The following COBL variants were observed in gnomAD, a reference collection of about 807,000 sequenced individuals.
The protein encoded by COBL is protein cordon-bleu.
COBL carries 51 observed loss-of-function variants against 98.8 expected under a neutral mutation model. That is an observed-to-expected ratio of 0.52 (90% CI 0.41 to 0.65). The LOEUF is 0.65. Among genes scored for constraint, COBL ranks in the 30% least tolerant of loss-of-function variants. The pLI is 0.00. For missense variants in COBL, 1,617 were observed against 1,617.5 expected (o/e 1.00, Z 0.01); for synonymous variants, 634 against 651.7 (o/e 0.97, Z 0.41).
At chr7:51,228,736 C>CA (rs767631984) in intron 1 of COBL, among the ~76,000 whole-genome samples, 47 of 152,234 alleles carry the variant, frequency 3.1e-4, no homozygotes, top group Admixed American at 2.7e-3. Context: ...TTTGAGAGCC[C>CA]AGTCCCACAG....
At chr7:51,018,891 C>CAAAAAAAAAA (rs11433270) in intron 12 of COBL, among the ~76,000 whole-genome samples, 7 of 6,798 alleles carry the variant, frequency 1.0e-3, no homozygotes, top group Non-Finnish European at 1.4e-3. Context: ...AACTCCATCT[C>CAAAAAAAAAA]AAAAAAAAAA....
chr7:51,214,826 T>C (rs1375377808), intron 2 of COBL, among the ~76,000 whole-genome samples: 2 of 152,212 alleles, frequency 1.3e-5, no homozygotes, highest in Admixed American at 6.5e-5. Flanking sequence ...TGCCTAGCAC[T>C]GTTCCCAGTG....
intron 6 of COBL, among the ~76,000 whole-genome samples, chr7:51,120,736 G>A (rs1797668334): frequency 6.6e-6 from 1 of 152,012 alleles, no homozygotes; most frequent in Non-Finnish European, 1.5e-5. Context: ...CATGGCATTT[G>A]TGTATTTGTC....
intron 6 of COBL, among the ~76,000 whole-genome samples, chr7:51,108,810 G>A (rs1437011978): frequency 2.0e-5 from 3 of 152,064 alleles, no homozygotes; most frequent in African/African-American, 7.2e-5. Flanking sequence ...GCCTTGGGGA[G>A]GTCACCCTGA....
intron 5 of COBL, among the ~76,000 whole-genome samples, chr7:51,171,222 T>C (rs532109338): frequency 4.6e-5 from 7 of 152,114 alleles, no homozygotes; most frequent in Non-Finnish European, 8.8e-5. Context: ...TGTGAATGAG[T>C]AACAAATCAC....
intron 1 of COBL, among the ~76,000 whole-genome samples, chr7:51,274,762 C>T (rs181501485): frequency 1.5e-4 from 23 of 152,156 alleles, no homozygotes; most frequent in African/African-American, 5.6e-4. Context: ...GTACAACAGA[C>T]GTATTCTAGA....
chr7:51,260,053 T>C (rs1797582359), intron 1 of COBL: 2 of 965,998 alleles, frequency 2.1e-6, no homozygotes, highest in South Asian at 1.3e-5. Context: ...CTCTGCTCCT[T>C]CTTCTCCAAA....
intron 1 of COBL, among the ~76,000 whole-genome samples, chr7:51,315,473 C>T (rs1486256065): frequency 6.6e-6 from 1 of 152,184 alleles, no homozygotes; most frequent in Non-Finnish European, 1.5e-5. Flanking sequence ...ACAACTGTAA[C>T]AGAAAAAAAG....
chr7:51,030,723 G>A, intron 9 of COBL, 89 bp downstream of exon 9: 1 of 847,690 alleles, frequency 1.2e-6, no homozygotes, highest in Non-Finnish European at 1.9e-6. Flanking sequence ...TCCTCACATA[G>A]ATACATCAAA....
intron 5 of COBL, among the ~76,000 whole-genome samples, chr7:51,153,759 G>A (rs182825092): frequency 3.9e-5 from 6 of 152,310 alleles, no homozygotes; most frequent in African/African-American, 1.4e-4. Flanking sequence ...GGTGGGTAAC[G>A]TCAGGACAGC....
chr7:51,255,157 T>C (rs1482041521), intron 1 of COBL, among the ~76,000 whole-genome samples: 5 of 152,194 alleles, frequency 3.3e-5, no homozygotes, highest in Non-Finnish European at 7.3e-5. Flanking sequence ...AAGCTTCCCT[T>C]GCGTATAAAC....
At chr7:51,156,146 G>A (rs987316925) in intron 5 of COBL, 4 of 982,268 alleles carry the variant, frequency 4.1e-6, no homozygotes, top group Non-Finnish European at 3.6e-6. Context: ...GTCCACTTAG[G>A]ATATATCACT....
chr7:51,234,623 C>T lies in COBL; in HGVS notation c.42-14679G>A, dbSNP rs117782587. The stretch of plus-strand genomic sequence containing the variant: ...GGCTGAGGTGGAAGAATTGCTTGGG[C>T]CCAGGAGGTGGAGGCTGAAGTGAGC... On this transcript the variant is annotated intron_variant, in intron 1 of 12. Coordinates refer to ENST00000265136, the MANE Select transcript of COBL (RefSeq NM_015198.5). 8.1e-3 allele frequency among the ~76,000 whole-genome samples: 1,224 copies of T among 150,688 alleles called. 60 individuals carry two copies. The South Asian group carries it at 0.14, about 17-fold the overall frequency.
At chr7:51,214,676 T>C (rs977343051) in intron 2 of COBL, among the ~76,000 whole-genome samples, 21 of 152,226 alleles carry the variant, frequency 1.4e-4, no homozygotes, top group Admixed American at 3.9e-4. Flanking sequence ...GCCCCTGACA[T>C]AGCCCAGTTA....
At chr7:51,211,621 C>T (rs1792444108) in intron 2 of COBL, among the ~76,000 whole-genome samples, 1 of 152,216 alleles carries the variant, frequency 6.6e-6, no homozygotes, top group South Asian at 2.1e-4. Context: ...CAAACACCAT[C>T]CTGCTCTCAG....
At chr7:51,275,786 C>T (rs1799262170) in intron 1 of COBL, among the ~76,000 whole-genome samples, 1 of 152,236 alleles carries the variant, frequency 6.6e-6, no homozygotes. Context: ...CCACCTTCCC[C>T]TCACAGTGGA....
chr7:51,287,377 C>T (rs529623652), intron 1 of COBL, among the ~76,000 whole-genome samples: 2 of 152,294 alleles, frequency 1.3e-5, no homozygotes, highest in African/African-American at 4.8e-5. Context: ...TAAATAAACA[C>T]ATAAAGCTTC....
At position 51,316,582 on chromosome 7, in the gene COBL, G is replaced by C; in HGVS notation, c.41+11C>G. ...CCCCTCTCCACCCCGCCCGACCGCG[G>C]GGCCGCTTACCCGGTCGGGGGCTTG... is the stretch of plus-strand genomic sequence containing the variant. On this transcript the variant is annotated intron_variant, in intron 1 of 12. Transcript: ENST00000265136. The C allele has an allele frequency of 8.3e-7, 1 of 1,207,866 alleles. No individual in the cohort carries two copies. 74.8% of individuals were successfully genotyped at this position (1,207,866 alleles called of 1,614,324 possible). A position where few individuals can be genotyped will look rare whatever the true frequency, so the allele number is the denominator to read the frequency against.
chr7:51,219,985 G>T (rs772608911), intron 1 of COBL, 41 bp from the exon 2 acceptor site: 19 of 1,562,972 alleles, frequency 1.2e-5, no homozygotes, highest in Non-Finnish European at 1.7e-5. Context: ...CAGTGGCAAT[G>T]TTCCTACCTG....
Sources: gnomAD v4.1 joint callset for allele counts (sites outside exome capture counted in the v4.1 genomes callset) on GRCh38, gnomAD v4.1.1 for gene constraint, MANE v1.5 for transcripts, NCBI Gene and HGNC (gene_info 2026-07-23, HGNC 2026-07-21) for gene names.